The following ALDH8A1 variants were observed in gnomAD, a reference collection of about 807,000 sequenced individuals.
The protein encoded by ALDH8A1 is 2-aminomuconic semialdehyde dehydrogenase.
ALDH8A1 carries 39 observed loss-of-function variants against 43.3 expected under a neutral mutation model. The observed-to-expected ratio is 0.90, with a 90% CI of 0.70 to 1.18. The LOEUF (loss-of-function observed/expected upper bound fraction) is 1.18, where lower values mean the gene tolerates loss of function less well. ALDH8A1 is among the 50% of genes most tolerant of loss of function. The pLI is 0.00. For missense variants in ALDH8A1, 605 were observed against 622.6 expected (o/e 0.97, Z 0.30); for synonymous variants, 233 against 243.5 (o/e 0.96, Z 0.40).
chr6:134,927,307 A>AAAG (rs530045910), intron 6 of ALDH8A1, among the ~76,000 whole-genome samples: 135 of 147,958 alleles, frequency 9.1e-4, no homozygotes, highest in Admixed American at 2.4e-3. Context: ...GTTAAAAAAG[A>AAAG]AAGAAGAAGA....
Position 134,950,036 on chromosome 6 carries a change from T to C in ALDH8A1, c.18A>G (p.Ala6=), listed in dbSNP as rs1159392483. ...CTATGAAGTTTTCCAGCATCAAAAG[T>C]GCGTTTGTTCCAGCCATAGCAAGGA... The part of the protein sequence containing the change: MAGTN[A]LLMLENFIDG... Residue 6 remains alanine, a synonymous_variant, in exon 1 of 7, where the codon GCA becomes GCG. Coordinates refer to ENST00000265605, the MANE Select transcript of ALDH8A1 (RefSeq NM_022568.4). The C allele has an allele frequency of 6.2e-6, 10 of 1,612,330 alleles. No homozygotes were observed. Among genetic ancestry groups the C allele is most frequent in the East Asian group, 2.2e-5 (1 of 44,856 alleles).
At position 134,948,485 on chromosome 6, in the gene ALDH8A1, T is replaced by C. The variant is rs547325138; in HGVS notation, c.138+1431A>G. ...TATGCATGTATCAAAATGTCACATA[T>C]GCCCATAAAGATGTACAATTATTAT... On this transcript the variant is annotated intron_variant, in intron 1 of 6. Coordinates refer to ENST00000265605, the MANE Select transcript of ALDH8A1 (RefSeq NM_022568.4). 2.0e-5 allele frequency among the ~76,000 whole-genome samples: 3 copies of C among 152,316 alleles called. No homozygotes were observed. In the South Asian group the frequency reaches 6.2e-4, roughly 32 times the overall value.
At chr6:134,924,962 C>A (rs951478215) in intron 6 of ALDH8A1, among the ~76,000 whole-genome samples, 1 of 152,024 alleles carries the variant, frequency 6.6e-6, no homozygotes, top group African/African-American at 2.4e-5. Context: ...TATCTTGGTA[C>A]CTTTTTAATA....
At position 134,947,852 on chromosome 6, in the gene ALDH8A1, A is replaced by T. The variant is rs200950620; in HGVS notation, c.138+2064T>A. Among the ~76,000 whole-genome samples the T allele has an allele frequency of 5.5e-3, 605 of 110,682 alleles. 5 individuals are homozygous for T. Among genetic ancestry groups the T allele is most frequent in the East Asian group, 0.034 (131 of 3,834 alleles). The allele number at this position is 110,682 out of a possible 152,430, so 72.6% of individuals were successfully genotyped here. A position where few individuals can be genotyped will look rare whatever the true frequency, so the allele number is the denominator to read the frequency against. ...AACGCATGTAGGTTTCTCAAAAAAA[A>T]AAAAATAAAAATAGAACAACAGTAT... On this transcript the variant is annotated intron_variant, in intron 1 of 6. Transcript: ENST00000265605.
rs976024321 is a variant in ALDH8A1 at position 134,939,256 on chromosome 6, A to C, written c.592+10T>G. The C allele has an allele frequency of 3.7e-6, 6 of 1,613,130 alleles. No homozygotes were observed. Among genetic ancestry groups the C allele is most frequent in the African/African-American group, 2.7e-5 (2 of 74,906 alleles). On this transcript the variant is annotated intron_variant, in intron 4 of 6. Coordinates refer to ENST00000265605, the MANE Select transcript of ALDH8A1 (RefSeq NM_022568.4). ...TCTGTGCCTGCCCCCCAACCCCAAC[A>C]CCTAATTACCTGCTTTATCCAGGAG...
chr6:134,927,007 T>C (rs916947630), intron 6 of ALDH8A1, among the ~76,000 whole-genome samples: 8 of 152,152 alleles, frequency 5.3e-5, no homozygotes, highest in African/African-American at 1.9e-4. Flanking sequence ...GGTCTTCTTG[T>C]CCATGTGCAG....
intron 4 of ALDH8A1, among the ~76,000 whole-genome samples, chr6:134,937,508 T>TA (rs1262082542): frequency 6.6e-6 from 1 of 152,068 alleles, no homozygotes; most frequent in Non-Finnish European, 1.5e-5. Flanking sequence ...TCCCAAGAAA[T>TA]AAAATCAATG....
In ALDH8A1 at chr6:134,943,670, C is replaced by T. The variant is rs578013974; in HGVS notation, c.286+149G>A. The T allele has an allele frequency of 8.4e-5, 106 of 1,255,420 alleles. 3 individuals carry two copies. The South Asian group carries it at 1.6e-3, about 19-fold the overall frequency. 77.8% of individuals were successfully genotyped at this position (1,255,420 alleles called of 1,614,324 possible). Reference sequence around the variant, plus strand: ...GGGCCAGCCACAAGTCCTGGCCTTCCCAGGCCTGGAGCAGGGGAGGGTTTG... The same window carrying T: ...GGGCCAGCCACAAGTCCTGGCCTTCTCAGGCCTGGAGCAGGGGAGGGTTTG... On this transcript the variant is annotated intron_variant, in intron 2 of 6. Transcript: ENST00000265605.
intron 1 of ALDH8A1, among the ~76,000 whole-genome samples, chr6:134,944,423 A>G (rs1014218857): frequency 1.2e-4 from 18 of 152,148 alleles, no homozygotes; most frequent in African/African-American, 4.1e-4. Context: ...CACAAAGTAG[A>G]TGACACAGGT....
At chr6:134,929,461 A>G (rs930631684) in intron 5 of ALDH8A1, among the ~76,000 whole-genome samples, 4 of 152,244 alleles carry the variant, frequency 2.6e-5, no homozygotes, top group African/African-American at 9.6e-5. Context: ...AATAAAATTA[A>G]GCAGAGGATG....
At chr6:134,946,442 C>T (rs1773950392) in intron 1 of ALDH8A1, among the ~76,000 whole-genome samples, 1 of 152,182 alleles carries the variant, frequency 6.6e-6, no homozygotes. Flanking sequence ...CCTTATAGCA[C>T]AACTTATGTC....
Position 134,917,461 on chromosome 6 carries a change from C to T in ALDH8A1, c.*954G>A, listed in dbSNP as rs1042091053. 2 of 152,142 alleles carry T rather than the reference C, an allele frequency of 1.3e-5. No homozygotes were observed. Among genetic ancestry groups the T allele is most frequent in the African/African-American group, 4.8e-5 (2 of 41,434 alleles). 9.4% of individuals were successfully genotyped at this position (152,142 alleles called of 1,614,324 possible). A position where few individuals can be genotyped will look rare whatever the true frequency, so the allele number is the denominator to read the frequency against. On this transcript the variant is annotated 3_prime_UTR_variant, in exon 7 of 7. Coordinates refer to ENST00000265605, the MANE Select transcript of ALDH8A1 (RefSeq NM_022568.4). ...AGCAAGTTGTAAGCCTCATTAGATG[C>T]ATACACTAAGAAATGGAATTGATTA...
rs543708070 is a variant in ALDH8A1 at position 134,932,312 on chromosome 6, C to T, written c.849+464G>A. Among the ~76,000 whole-genome samples the T allele has an allele frequency of 4.6e-5, 7 of 152,226 alleles. No individual in the cohort carries two copies. In the South Asian group the frequency reaches 1.2e-3, roughly 27 times the overall value. On this transcript the variant is annotated intron_variant, in intron 5 of 6. Coordinates refer to ENST00000265605, the MANE Select transcript of ALDH8A1 (RefSeq NM_022568.4). The stretch of plus-strand genomic sequence containing the variant: ...CTGAAGCTGATCCATGAATCCACGC[C>T]AAGAAATCTTCTCTAGTCAGTTTCA...
At chr6:134,937,672 C>T (rs1010731821) in intron 4 of ALDH8A1, among the ~76,000 whole-genome samples, 1 of 152,192 alleles carries the variant, frequency 6.6e-6, no homozygotes, top group African/African-American at 2.4e-5. Context: ...CTCCAAATCC[C>T]AGTAGAGGGC....
chr6:134,942,652 C>T, intron 2 of ALDH8A1, 88 bp from the exon 3 acceptor site: 1 of 1,332,896 alleles, frequency 7.5e-7, no homozygotes, highest in Non-Finnish European at 1.0e-6. Context: ...CCAACTCACA[C>T]TGAAACAGCC....
Position 134,918,592 on chromosome 6 carries a change from C to T in ALDH8A1, c.1287G>A (p.Gly429=). Residue 429 remains glycine, a synonymous_variant, in exon 7 of 7, where the codon GGG becomes GGA. Transcript: ENST00000265605. The part of the protein sequence containing the change: ...LAATVWSSNV[G]RVHRVAKKLQ... The stretch of plus-strand genomic sequence containing the variant: ...GCTTCTTAGCCACCCGGTGGACGCG[C>T]CCCACATTGCTGGACCACACGGTAG... 6.2e-7 allele frequency: 1 copy of T among 1,614,124 alleles called. No individual in the cohort carries two copies. Among genetic ancestry groups the T allele is most frequent in the Non-Finnish European group, 8.5e-7 (1 of 1,180,020 alleles).
intron 2 of ALDH8A1, 121 bp downstream of exon 2, chr6:134,943,698 C>A: frequency 6.9e-7 from 1 of 1,451,558 alleles, no homozygotes; most frequent in East Asian, 2.3e-5. Context: ...AGGGTTTGCT[C>A]TCCACTTCTA....
rs1461905366 is a variant in ALDH8A1, at chr6:134,950,010, T to C, written c.44A>G (p.Asp15Gly). The change falls in exon 1 of 7, where the codon GAT (aspartate) becomes GGT (glycine). Residue 15 changes from aspartate to glycine, a missense_variant. Coordinates refer to ENST00000265605, the MANE Select transcript of ALDH8A1 (RefSeq NM_022568.4). ...NALLMLENFI[D>G]GKFLPCSSYI... ...TGAGCTACAAGGTAAAAATTTTCCA[T>C]CTATGAAGTTTTCCAGCATCAAAAG... The C allele has an allele frequency of 3.1e-6, 5 of 1,613,020 alleles. No homozygotes were observed. Among genetic ancestry groups the C allele is most frequent in the Non-Finnish European group, 4.2e-6 (5 of 1,179,542 alleles).
intron 4 of ALDH8A1, among the ~76,000 whole-genome samples, chr6:134,936,942 C>T (rs994435985): frequency 6.6e-5 from 10 of 152,074 alleles, no homozygotes; most frequent in African/African-American, 2.4e-4. Context: ...CAGACGAGAA[C>T]AGACTAGAAG....
Sources: gnomAD v4.1 joint callset for allele counts (sites outside exome capture counted in the v4.1 genomes callset) on GRCh38, gnomAD v4.1.1 for gene constraint, MANE v1.5 for transcripts, NCBI Gene and HGNC (gene_info 2026-07-23, HGNC 2026-07-21) for gene names.